The following GREM2 variants were observed in gnomAD, a reference collection of about 807,000 sequenced individuals.
The protein encoded by GREM2 is gremlin 2, DAN family BMP antagonist.
GREM2 carries 11 observed loss-of-function variants against 14.2 expected under a neutral mutation model. The observed-to-expected ratio is 0.78, with a 90% CI of 0.49 to 1.28. The LOEUF is 1.28. Ranked by LOEUF, GREM2 falls within the 50% of genes most tolerant of loss-of-function variation. The pLI is 0.00. For missense variants in GREM2, 210 were observed against 218.5 expected, an observed-to-expected ratio of 0.96 and a Z score of 0.24; for synonymous variants, 98 against 97.6, an observed-to-expected ratio of 1.00 and a Z score of -0.02.
rs983811657 is a variant in GREM2, at chr1:240,540,283, T to C, written c.-1-46807A>G. ...CTACTAATTGCCCTAATTTTCTTTG[T>C]CTAGACTAACTTATTGCATTGAAGA... On this transcript the variant is annotated intron_variant, in intron 1 of 1. Coordinates refer to ENST00000318160, the MANE Select transcript of GREM2 (RefSeq NM_022469.4). This position sits in a 1 kb window ranked among gnomAD's most constrained non-coding sequence, Gnocchi z 4.2. 6.6e-6 allele frequency among the ~76,000 whole-genome samples: 1 copy of C among 152,182 alleles called. No homozygotes were observed.
At chr1:240,503,717 C>T (rs1677620163) in intron 1 of GREM2, among the ~76,000 whole-genome samples, 3 of 152,230 alleles carry the variant, frequency 2.0e-5, no homozygotes, top group South Asian at 4.1e-4. Context: ...TCTCTGGCCA[C>T]TGTTAGTCAC....
At chr1:240,591,075 C>T (rs1162292493) in intron 1 of GREM2, among the ~76,000 whole-genome samples, 1 of 152,212 alleles carries the variant, frequency 6.6e-6, no homozygotes. Context: ...CCACCATGCC[C>T]AGCCAGAAAT....
intron 1 of GREM2, among the ~76,000 whole-genome samples, chr1:240,584,217 G>A (rs1049179806): frequency 9.2e-5 from 14 of 152,004 alleles, no homozygotes; most frequent in African/African-American, 2.2e-4. Flanking sequence ...TAAAATGGCC[G>A]GGCGCAGTGG....
At chr1:240,594,718 TTA>T (rs953107911) in intron 1 of GREM2, among the ~76,000 whole-genome samples, 3 of 151,756 alleles carry the variant, frequency 2.0e-5, no homozygotes. Context: ...ACATGAATAT[TTA>T]TATATATGTA....
At chr1:240,530,292 A>G (rs1029814945) in intron 1 of GREM2, among the ~76,000 whole-genome samples, 6 of 152,196 alleles carry the variant, frequency 3.9e-5, no homozygotes, top group Non-Finnish European at 7.3e-5. Flanking sequence ...TTCTCAGACA[A>G]TGGAAACTGT....
At chr1:240,546,270 C>T (rs1678713583) in intron 1 of GREM2, among the ~76,000 whole-genome samples, 1 of 151,760 alleles carries the variant, frequency 6.6e-6, no homozygotes, top group Non-Finnish European at 1.5e-5. Context: ...ACCTGGGAGG[C>T]AGAGGTTGCA....
At chr1:240,604,309 ATGTG>A (rs61016634) in intron 1 of GREM2, among the ~76,000 whole-genome samples, 1,202 of 116,696 alleles carry the variant, frequency 0.01, 8 homozygotes, top group African/African-American at 0.016. Context: ...AACTATACGT[ATGTG>A]TGTGTGTGTG....
chr1:240,498,636 C>T (rs191009846), intron 1 of GREM2, among the ~76,000 whole-genome samples: 5 of 152,286 alleles, frequency 3.3e-5, no homozygotes, highest in East Asian at 1.9e-4. Flanking sequence ...AGCATGTCAG[C>T]GGCCCCGCCA....
intron 1 of GREM2, among the ~76,000 whole-genome samples, chr1:240,574,066 A>G (rs1572405151): frequency 6.6e-6 from 1 of 151,946 alleles, no homozygotes; most frequent in East Asian, 1.9e-4. Context: ...GATTACAGGC[A>G]CCCACCACCA....
At chr1:240,495,695 A>G (rs1398725303) in intron 1 of GREM2, among the ~76,000 whole-genome samples, 2 of 152,190 alleles carry the variant, frequency 1.3e-5, no homozygotes, top group Non-Finnish European at 2.9e-5. Context: ...CCGGCTCCAG[A>G]ATCTGAGCTC....
At chr1:240,566,424 G>C (rs1323772872) in intron 1 of GREM2, among the ~76,000 whole-genome samples, 1 of 152,120 alleles carries the variant, frequency 6.6e-6, no homozygotes, top group African/African-American at 2.4e-5. Context: ...TTACTGCTTT[G>C]AGAGAGTTTC....
rs1478659281 is a variant in GREM2, at chr1:240,542,674, A to G, written c.-1-49198T>C. ...TAAAGAGCTGATATATTTTTCTCAG[A>G]AGGCTTGATCACACTTTGGATTTTT... On this transcript the variant is annotated intron_variant, in intron 1 of 1. Coordinates refer to ENST00000318160, the MANE Select transcript of GREM2 (RefSeq NM_022469.4). The surrounding 1 kb of genome is among the most constrained non-coding windows in gnomAD (Gnocchi z 4.1). 6.6e-6 allele frequency among the ~76,000 whole-genome samples: 1 copy of G among 152,068 alleles called. No homozygotes were observed. The highest frequency in any genetic ancestry group is 1.5e-5 in the Non-Finnish European group (1 of 68,004).
At chr1:240,530,042 G>C (rs1454259700) in intron 1 of GREM2, among the ~76,000 whole-genome samples, 1 of 152,080 alleles carries the variant, frequency 6.6e-6, no homozygotes, top group Non-Finnish European at 1.5e-5. Flanking sequence ...GATACTCATT[G>C]ACCATTTGAC....
At chr1:240,596,854 A>G (rs1679828156) in intron 1 of GREM2, among the ~76,000 whole-genome samples, 1 of 152,186 alleles carries the variant, frequency 6.6e-6, no homozygotes, top group Non-Finnish European at 1.5e-5. Flanking sequence ...TGATAGAAAA[A>G]CAAACATTTG....
intron 1 of GREM2, among the ~76,000 whole-genome samples, chr1:240,532,840 T>C (rs1254336419): frequency 1.3e-5 from 2 of 152,246 alleles, no homozygotes; most frequent in Non-Finnish European, 1.5e-5. Context: ...TTTCCCAAAG[T>C]CATGCACAGA....
In GREM2 at chr1:240,491,324, A is replaced by G. The variant is rs1449781096; in HGVS notation, c.*1645T>C. On this transcript the variant is annotated 3_prime_UTR_variant, in exon 2 of 2. Transcript: ENST00000318160. ...GAAGTGGCCCCTCACAGGAGCACTT[A>G]CCAGGGAATCATCAGTGAAAGGTTT... The G allele has an allele frequency of 6.6e-6, 1 of 152,640 alleles. No individual in the cohort carries two copies. The highest frequency in any genetic ancestry group is 1.5e-5 in the Non-Finnish European group (1 of 68,052). The allele number at this position is 152,640 out of a possible 1,614,324, so 9.5% of individuals were successfully genotyped here. A position where few individuals can be genotyped will look rare whatever the true frequency, so the allele number is the denominator to read the frequency against.
At chr1:240,603,382 C>T (rs913640970) in intron 1 of GREM2, among the ~76,000 whole-genome samples, 4 of 152,154 alleles carry the variant, frequency 2.6e-5, no homozygotes, top group Admixed American at 2.0e-4. Context: ...ATACACATCT[C>T]CTCTTCTCTT....
chr1:240,547,228 C>A (rs927466809), intron 1 of GREM2, among the ~76,000 whole-genome samples: 1 of 151,916 alleles, frequency 6.6e-6, no homozygotes, highest in Non-Finnish European at 1.5e-5. Context: ...AGGCCAGGCA[C>A]GGTGCCTCAT....
intron 1 of GREM2, among the ~76,000 whole-genome samples, chr1:240,600,230 C>A (rs75092395): frequency 6.7e-6 from 1 of 148,406 alleles, no homozygotes; most frequent in Non-Finnish European, 1.5e-5. Context: ...AACGAGATTA[C>A]GTGTTTTCCT....
Sources: gnomAD v4.1 joint callset for allele counts (sites outside exome capture counted in the v4.1 genomes callset) on GRCh38, gnomAD v4.1.1 for gene constraint, Gnocchi (gnomAD v3.1) non-coding constraint, MANE v1.5 for transcripts, NCBI Gene and HGNC (gene_info 2026-07-23, HGNC 2026-07-21) for gene names.